The following FOXP1 variants were observed in gnomAD, a reference collection of about 807,000 sequenced individuals.
FOXP1 encodes forkhead box P1, also known as forkhead box protein P1.
A neutral mutation model predicts 98.2 loss-of-function variants in FOXP1; 15 were observed. The observed-to-expected ratio is 0.15, with a 90% CI of 0.10 to 0.24. The LOEUF (loss-of-function observed/expected upper bound fraction) is 0.24. FOXP1 is among the 10% of genes least tolerant of loss of function. The probability of loss-of-function intolerance (pLI) is 1.00; values close to 1 mark genes in which losing one functional copy is unlikely to be tolerated. For synonymous variants in FOXP1, 371 were observed against 314.5 expected, an observed-to-expected ratio of 1.18 and a Z score of -1.90; for missense variants, 633 against 848.5, an observed-to-expected ratio of 0.75 and a Z score of 3.15.
intron 17 of FOXP1, 55 bp downstream of exon 17, chr3:70,976,886 C>T (rs1281781288): frequency 5.3e-6 from 7 of 1,309,120 alleles, no homozygotes; most frequent in South Asian, 1.2e-5. Context: ...TTATCAACAA[C>T]AAACTGTTCT....
chr3:71,235,861 C>G (rs539481979), intron 5 of FOXP1, among the ~76,000 whole-genome samples: 6 of 152,210 alleles, frequency 3.9e-5, no homozygotes, highest in African/African-American at 1.2e-4. Context: ...CCACCGCACC[C>G]GGCTAATATT....
rs574551047 is a variant in FOXP1 at position 71,039,628 on chromosome 3, T to C, written c.869+1700A>G. On this transcript the variant is annotated intron_variant, in intron 11 of 20. Transcript: ENST00000649528. ...AGTGTATGGCCTCCTGCTCTGCCTA[T>C]GGATAAAGATGTAATTCAATCGCTC... is the stretch of plus-strand genomic sequence containing the variant. 2.0e-4 allele frequency among the ~76,000 whole-genome samples: 30 copies of C among 152,156 alleles called. No individual in the cohort carries two copies. The South Asian group carries it at 5.6e-3, about 28-fold the overall frequency.
chr3:71,353,983 G>C (rs144197590), intron 4 of FOXP1, among the ~76,000 whole-genome samples: 1 of 151,984 alleles, frequency 6.6e-6, no homozygotes, highest in Non-Finnish European at 1.5e-5. Context: ...TTTCAGGACC[G>C]ACACATCAAG....
At chr3:71,064,002 T>C (rs902348883) in intron 7 of FOXP1, among the ~76,000 whole-genome samples, 1 of 152,148 alleles carries the variant, frequency 6.6e-6, no homozygotes, top group African/African-American at 2.4e-5. Context: ...ACAGTTGAGT[T>C]AGCTACATTC....
intron 7 of FOXP1, 139 bp from the exon 8 acceptor site, chr3:71,053,912 G>A (rs2050255019): frequency 5.8e-6 from 5 of 858,890 alleles, no homozygotes; most frequent in Non-Finnish European, 9.5e-6. Context: ...CAGAGGGGAT[G>A]CAGCAACAGA....
rs760387950 is a variant in FOXP1 at position 70,973,907 on chromosome 3, C to A, written c.1531-1231G>T. Among the ~76,000 whole-genome samples, 5 of 141,894 alleles carry A rather than the reference C, an allele frequency of 3.5e-5. No homozygotes were observed. The South Asian group carries it at 1.2e-3, about 33-fold the overall frequency. 93.1% of individuals were successfully genotyped at this position (141,894 alleles called of 152,430 possible). A position where few individuals can be genotyped will look rare whatever the true frequency, so the allele number is the denominator to read the frequency against. On this transcript the variant is annotated intron_variant, in intron 17 of 20. Transcript: ENST00000649528. The stretch of plus-strand genomic sequence containing the variant: ...TATTTCCTTCCTGAATTATCCTTAA[C>A]GGTGGTGAATCTTGATACTCTGAGA...
chr3:71,389,578 A>G (rs1236289471), intron 3 of FOXP1, among the ~76,000 whole-genome samples: 1 of 152,216 alleles, frequency 6.6e-6, no homozygotes, highest in African/African-American at 2.4e-5. Flanking sequence ...AGAAAACACG[A>G]AGAGCTTTCA....
intron 2 of FOXP1, among the ~76,000 whole-genome samples, chr3:71,536,989 G>A (rs1191158485): frequency 5.3e-5 from 8 of 152,160 alleles, no homozygotes; most frequent in African/African-American, 1.7e-4. Context: ...GCCATGGAGG[G>A]AAGGTCTGCC....
chr3:71,430,143 T>A (rs112351129), intron 3 of FOXP1, among the ~76,000 whole-genome samples: 2,211 of 152,148 alleles, frequency 0.015, 67 homozygotes, highest in African/African-American at 0.05. Context: ...CAATTCAGGT[T>A]TTTTACAGGC....
chr3:71,572,612 G>A (rs1409573908), intron 2 of FOXP1: 1 of 152,152 alleles, frequency 6.6e-6, no homozygotes. Context: ...GAGGAATCCT[G>A]TACATGCATA....
At chr3:70,964,115 A>T (rs760192354) in intron 20 of FOXP1, among the ~76,000 whole-genome samples, 1 of 152,266 alleles carries the variant, frequency 6.6e-6, no homozygotes, top group Non-Finnish European at 1.5e-5. Context: ...TAGCAGGCGC[A>T]GGGAATCTGC....
chr3:71,433,439 T>C (rs1039951212), intron 3 of FOXP1, among the ~76,000 whole-genome samples: 2 of 152,176 alleles, frequency 1.3e-5, no homozygotes, highest in Middle Eastern at 3.2e-3. Context: ...GGGAAACAAC[T>C]TTACGGGTTC....
rs1031564453 is a variant in FOXP1, at chr3:71,299,118, A to G, written c.-12+702T>C. Among the ~76,000 whole-genome samples the G allele has an allele frequency of 2.6e-5, 4 of 152,368 alleles. No homozygotes were observed. In the East Asian group the frequency reaches 5.8e-4, roughly 22 times the overall value. On this transcript the variant is annotated intron_variant, in intron 5 of 20. Transcript: ENST00000649528. The stretch of plus-strand genomic sequence containing the variant: ...TACTTTTGAAATCAAGTAAATATGT[A>G]GCATCCATAACCATTTTAACCGGAG...
At chr3:71,124,401 C>T (rs2059008038) in intron 6 of FOXP1, among the ~76,000 whole-genome samples, 1 of 151,338 alleles carries the variant, frequency 6.6e-6, no homozygotes, top group African/African-American at 2.4e-5. Flanking sequence ...AAAAAATCCC[C>T]AAATAAAAAC....
At chr3:71,582,796 G>A in intron 1 of FOXP1, 4 of 985,270 alleles carry the variant, frequency 4.1e-6, no homozygotes, top group African/African-American at 1.7e-5. Flanking sequence ...GCAGGTGCGT[G>A]TTTGAATTTT....
At chr3:71,345,871 T>TAAAAAAAAAAAAAAA (rs71120316) in intron 4 of FOXP1, among the ~76,000 whole-genome samples, 1,173 of 55,006 alleles carry the variant, frequency 0.021, 111 homozygotes, top group Admixed American at 0.03. Context: ...AAAGTTTTTG[T>TAAAAAAAAAAAAAAA]AAAAAAAAAA....
intron 2 of FOXP1, among the ~76,000 whole-genome samples, chr3:71,567,299 C>T: frequency 6.6e-6 from 1 of 152,024 alleles, no homozygotes; most frequent in Non-Finnish European, 1.5e-5. Context: ...GGGCTTTGCA[C>T]ACATTTGCTC....
chr3:71,193,110 C>T (rs1299485645), intron 6 of FOXP1, among the ~76,000 whole-genome samples: 1 of 151,978 alleles, frequency 6.6e-6, no homozygotes, highest in Non-Finnish European at 1.5e-5. Context: ...ACTGTATTTT[C>T]TACATCCCCT....
intron 5 of FOXP1, among the ~76,000 whole-genome samples, chr3:71,200,656 A>G (rs927770497): frequency 1.3e-5 from 2 of 152,250 alleles, no homozygotes; most frequent in Non-Finnish European, 2.9e-5. Context: ...AATGTGAAAT[A>G]CCAATCCCAG....
Sources: allele counts gnomAD v4.1 joint callset (sites outside exome capture counted in the v4.1 genomes callset), GRCh38; gene constraint gnomAD v4.1.1; transcripts MANE v1.5; gene names NCBI Gene and HGNC (gene_info 2026-07-23, HGNC 2026-07-21).